Variants in CACHD1 observed in about 807,000 individuals in gnomAD.
CACHD1 encodes the protein VWFA and cache domain-containing protein 1.
In CACHD1, 71 loss-of-function variants were observed where a neutral mutation model predicts 138.7. The observed-to-expected ratio is 0.51, with a 90% confidence interval of 0.42 to 0.62. The LOEUF (loss-of-function observed/expected upper bound fraction) is 0.62. Ranked by LOEUF, CACHD1 falls within the 20% of genes least tolerant of loss-of-function variation. CACHD1 has a pLI of 0.00. For synonymous variants in CACHD1, 578 were observed against 591.5 expected (o/e 0.98, Z 0.33); for missense variants, 1,389 against 1,625.3 (o/e 0.85, Z 2.50).
intron 1 of CACHD1, among the ~76,000 whole-genome samples, chr1:64,480,753 A>G (rs980170954): frequency 2.2e-4 from 34 of 151,860 alleles, no homozygotes; most frequent in African/African-American, 7.7e-4. Context: ...GTGTTTGTTT[A>G]TGTAAAAGCC....
At position 64,691,813 on chromosome 1, in the gene CACHD1, C is replaced by G; in HGVS notation, c.*252C>G. 2 of 493,400 alleles carry G rather than the reference C, an allele frequency of 4.1e-6. No individual in the cohort carries two copies. The highest frequency in any genetic ancestry group is 7.4e-6 in the Non-Finnish European group (2 of 271,878). 30.6% of individuals were successfully genotyped at this position (493,400 alleles called of 1,614,324 possible). On this transcript the variant is annotated 3_prime_UTR_variant, in exon 27 of 27. Transcript: ENST00000651257. ...AGCCTGATGAACAGACCTGCCATAA[C>G]ACTAATGGAAGGTAACAGAAGGCGA...
intron 7 of CACHD1, among the ~76,000 whole-genome samples, chr1:64,637,592 C>G (rs963492078): frequency 1.3e-5 from 2 of 152,162 alleles, no homozygotes; most frequent in African/African-American, 4.8e-5. Flanking sequence ...CTGGATTTTT[C>G]TGTGTTGTTT....
chr1:64,496,504 A>G (rs773700368), intron 1 of CACHD1, among the ~76,000 whole-genome samples: 1 of 152,114 alleles, frequency 6.6e-6, no homozygotes, highest in Non-Finnish European at 1.5e-5. Context: ...CTAATTTTCT[A>G]GGATTATTTG....
Position 64,676,886 on chromosome 1 carries a change from C to T in CACHD1, c.2976-9C>T, listed in dbSNP as rs749005003. On this transcript the variant is annotated splice_polypyrimidine_tract_variant and intron_variant, in intron 21 of 26. Coordinates refer to ENST00000651257, the MANE Select transcript of CACHD1 (RefSeq NM_020925.4). ...GTCGTCTTAACCTCCAGACTTACCT[C>T]CTGCACAGAAACCCCAGCTGCGAGG... 6 of 1,611,392 alleles carry T rather than the reference C, an allele frequency of 3.7e-6. No individual in the cohort carries two copies. Among genetic ancestry groups the T allele is most frequent in the Admixed American group, 3.3e-5 (2 of 59,936 alleles).
At chr1:64,596,822 G>T (rs2100566686) in intron 3 of CACHD1, among the ~76,000 whole-genome samples, 1 of 152,226 alleles carries the variant, frequency 6.6e-6, no homozygotes, top group East Asian at 1.9e-4. Flanking sequence ...TTTGTGTGTG[G>T]ACTTGATGAT....
chr1:64,562,317 A>G (rs555368644), intron 2 of CACHD1, among the ~76,000 whole-genome samples: 122 of 150,226 alleles, frequency 8.1e-4, no homozygotes, highest in African/African-American at 2.7e-3. Context: ...TTTTACTACA[A>G]ATCCCTGAGA....
intron 21 of CACHD1, 26 bp from the exon 22 acceptor site, chr1:64,676,869 A>C: frequency 6.3e-7 from 1 of 1,585,676 alleles, no homozygotes; most frequent in Non-Finnish European, 8.6e-7. Context: ...TGGTCGTCTT[A>C]ACCTCCAGAC....
intron 22 of CACHD1, among the ~76,000 whole-genome samples, chr1:64,677,417 G>A (rs551881580): frequency 1.3e-5 from 2 of 152,196 alleles, no homozygotes; most frequent in African/African-American, 2.4e-5. Flanking sequence ...CATGTTCCCC[G>A]CTCTCTCCCC....
At chr1:64,575,051 C>T (rs533773448) in intron 2 of CACHD1, among the ~76,000 whole-genome samples, 1 of 152,074 alleles carries the variant, frequency 6.6e-6, no homozygotes, top group Non-Finnish European at 1.5e-5. Flanking sequence ...AAATTTAGAC[C>T]CCACAATATT....
At chr1:64,497,426 T>G (rs1425371950) in intron 1 of CACHD1, among the ~76,000 whole-genome samples, 1 of 152,142 alleles carries the variant, frequency 6.6e-6, no homozygotes, top group African/African-American at 2.4e-5. Flanking sequence ...CAATTAATTA[T>G]AGCCAGCAAT....
intron 23 of CACHD1, 125 bp from the exon 24 acceptor site, chr1:64,679,466 CCTAA>C: frequency 3.0e-6 from 3 of 992,168 alleles, no homozygotes; most frequent in Admixed American, 2.1e-5. Flanking sequence ...GAACTCAAAG[CCTAA>C]CTAAGCATCT....
At chr1:64,521,466 T>C (rs1049122078) in intron 1 of CACHD1, among the ~76,000 whole-genome samples, 18 of 152,256 alleles carry the variant, frequency 1.2e-4, no homozygotes, top group Non-Finnish European at 2.1e-4. Context: ...ACATATATAA[T>C]ATGTGGTCTT....
chr1:64,671,494 G>A, intron 16 of CACHD1, 70 bp from the exon 17 acceptor site: 1 of 1,538,588 alleles, frequency 6.5e-7, no homozygotes, highest in Non-Finnish European at 9.0e-7. Context: ...CAATGTCCCT[G>A]TGACTGAACA....
intron 1 of CACHD1, among the ~76,000 whole-genome samples, chr1:64,472,070 A>G (rs1193151231): frequency 6.6e-6 from 1 of 152,204 alleles, no homozygotes; most frequent in Non-Finnish European, 1.5e-5. Context: ...GAAGTTTCCA[A>G]GAATGCGTTC....
chr1:64,605,618 G>A (rs1038790024), intron 4 of CACHD1, among the ~76,000 whole-genome samples: 3 of 152,268 alleles, frequency 2.0e-5, no homozygotes, highest in East Asian at 1.9e-4. Flanking sequence ...GGGACAGTAG[G>A]AAAGGGCAGG....
At chr1:64,645,386 G>T (rs932890819) in intron 8 of CACHD1, among the ~76,000 whole-genome samples, 3 of 152,060 alleles carry the variant, frequency 2.0e-5, no homozygotes, top group Non-Finnish European at 4.4e-5. Context: ...TTCATACCTC[G>T]ATTACTCTGC....
intron 1 of CACHD1, among the ~76,000 whole-genome samples, chr1:64,480,076 T>C (rs1304803214): frequency 6.6e-6 from 1 of 152,220 alleles, no homozygotes; most frequent in Non-Finnish European, 1.5e-5. Context: ...ACAGGCTGGC[T>C]GCCCAGTGTG....
intron 1 of CACHD1, among the ~76,000 whole-genome samples, chr1:64,499,019 A>G (rs1180436107): frequency 6.6e-6 from 1 of 152,160 alleles, no homozygotes; most frequent in Non-Finnish European, 1.5e-5. Context: ...GGTAGTATAC[A>G]TTCTTGAAGT....
At chr1:64,658,399 A>T (rs903052745) in intron 12 of CACHD1, among the ~76,000 whole-genome samples, 22 of 152,202 alleles carry the variant, frequency 1.4e-4, no homozygotes, top group Admixed American at 1.3e-3. Context: ...TGTGCTCATT[A>T]ACCCACATTA....
Sources: allele counts gnomAD v4.1 joint callset (sites outside exome capture counted in the v4.1 genomes callset), GRCh38; gene constraint gnomAD v4.1.1; transcripts MANE v1.5; gene names NCBI Gene and HGNC (gene_info 2026-07-23, HGNC 2026-07-21).